The following TANC2 variants were observed in gnomAD, a reference collection of about 807,000 sequenced individuals.
TANC2 encodes tetratricopeptide repeat, ankyrin repeat and coiled-coil containing 2, also known as protein TANC2.
In TANC2, 26 loss-of-function variants were observed where a neutral mutation model predicts 210.5. The ratio of observed to expected loss-of-function variants is 0.12; its 90% CI spans 0.09 to 0.17. The LOEUF (loss-of-function observed/expected upper bound fraction) is 0.17. Among genes scored for constraint, TANC2 ranks in the 10% least tolerant of loss-of-function variants. The probability of loss-of-function intolerance (pLI) is 1.00; values close to 1 mark genes in which losing one functional copy is unlikely to be tolerated. For synonymous variants in TANC2, 931 were observed against 967.1 expected, an observed-to-expected ratio of 0.96 and a Z score of 0.69; for missense variants, 2,129 against 2,608.9, an observed-to-expected ratio of 0.82 and a Z score of 4.01.
At chr17:63,355,466 G>T in intron 14 of TANC2, 76 bp downstream of exon 14, 1 of 1,412,188 alleles carries the variant, frequency 7.1e-7, no homozygotes, top group Non-Finnish European at 9.3e-7. Flanking sequence ...ATTGAAAGTA[G>T]AAGTGTTCTT....
At chr17:63,197,755 G>A (rs966500066) in intron 6 of TANC2, 6 of 152,158 alleles carry the variant, frequency 3.9e-5, no homozygotes, top group African/African-American at 1.4e-4. Flanking sequence ...GGATCCTTCT[G>A]GAGAACATTA....
chr17:63,389,937 T>C (rs747491361), intron 17 of TANC2: 2 of 239,936 alleles, frequency 8.3e-6, no homozygotes, highest in Non-Finnish European at 1.6e-5. Flanking sequence ...CTTTCATGTG[T>C]AGAGAAGAAA....
rs988121201 is a variant in TANC2 at position 63,276,682 on chromosome 17, C to A, written c.1159+8809C>A. ...TTTTTTCAGAGTAAAATAAGCCTTC[C>A]CCCTTTTTTATCCCCACATTAATAG... On this transcript the variant is annotated intron_variant, in intron 9 of 27. Coordinates refer to ENST00000689528, the Ensembl canonical transcript of TANC2. Among the ~76,000 whole-genome samples the A allele has an allele frequency of 8.6e-5, 13 of 151,926 alleles. No individual in the cohort carries two copies. The East Asian group carries it at 2.5e-3, about 29-fold the overall frequency.
chr17:63,319,212 G>A, intron 11 of TANC2, 122 bp downstream of exon 11: 2 of 1,015,134 alleles, frequency 2.0e-6, no homozygotes, highest in East Asian at 2.6e-5. Flanking sequence ...AGAACGTGGA[G>A]GAAAGTTTCT....
exon 19 of TANC2, chr17:63,398,864 A>T: frequency 1.3e-6 from 2 of 1,598,262 alleles, no homozygotes; most frequent in Non-Finnish European, 1.7e-6. Context: ...GATGAAGAGG[A>T]AGTAGAGCGA....
intron 4 of TANC2, among the ~76,000 whole-genome samples, chr17:63,121,962 A>G (rs1382649253): frequency 1.7e-5 from 2 of 119,654 alleles, no homozygotes; most frequent in Non-Finnish European, 3.2e-5. Flanking sequence ...GTGAGACTTC[A>G]TCTCTTGCGG....
At chr17:63,053,034 G>A (rs1200768481) in intron 2 of TANC2, among the ~76,000 whole-genome samples, 1 of 152,164 alleles carries the variant, frequency 6.6e-6, no homozygotes, top group Non-Finnish European at 1.5e-5. Context: ...TTATGATGAA[G>A]ATAATTTATT....
rs150022400 is a variant in TANC2 at position 63,139,776 on chromosome 17, C to T, written c.323-11494C>T. Among the ~76,000 whole-genome samples the T allele has an allele frequency of 5.5e-4, 83 of 152,192 alleles. 1 individual carries two copies. Among genetic ancestry groups the T allele is most frequent in the African/African-American group, 1.9e-3 (80 of 41,512 alleles). On this transcript the variant is annotated intron_variant, in intron 4 of 27. Coordinates refer to ENST00000689528, the Ensembl canonical transcript of TANC2. ...TAAATTAGCTGGGTGTGGTGGCATG[C>T]GCCTGTAACGCCAGCTACTCAGGAG... is the stretch of plus-strand genomic sequence containing the variant.
At chr17:63,256,167 C>G (rs2043189465) in intron 8 of TANC2, among the ~76,000 whole-genome samples, 1 of 152,156 alleles carries the variant, frequency 6.6e-6, no homozygotes, top group Admixed American at 6.5e-5. Context: ...CTCGGCCTCC[C>G]AAAGTGCTAG....
At chr17:63,372,659 A>G (rs1442895746) in intron 14 of TANC2, among the ~76,000 whole-genome samples, 2 of 152,166 alleles carry the variant, frequency 1.3e-5, no homozygotes, top group Non-Finnish European at 2.9e-5. Context: ...ATCTTGTCCT[A>G]GGTTATAAAG....
intron 13 of TANC2, among the ~76,000 whole-genome samples, chr17:63,353,790 T>C (rs1401615712): frequency 6.6e-6 from 1 of 151,996 alleles, no homozygotes; most frequent in Non-Finnish European, 1.5e-5. Context: ...AAAAAGTGCA[T>C]TGAGGTGAGA....
chr17:63,307,552 G>A (rs929993867), intron 9 of TANC2, among the ~76,000 whole-genome samples: 1 of 152,108 alleles, frequency 6.6e-6, no homozygotes, highest in African/African-American at 2.4e-5. Context: ...AAATAAAGAG[G>A]ATTTCTGCTA....
intron 9 of TANC2, among the ~76,000 whole-genome samples, chr17:63,303,648 C>A (rs1021140538): frequency 1.3e-5 from 2 of 152,200 alleles, no homozygotes; most frequent in Non-Finnish European, 2.9e-5. Flanking sequence ...GCCTGTCTTG[C>A]TAGGTTGTGG....
chr17:63,305,475 T>C (rs1444049853), intron 9 of TANC2: 2 of 152,238 alleles, frequency 1.3e-5, no homozygotes, highest in Non-Finnish European at 2.9e-5. Flanking sequence ...TTCTTTTCAA[T>C]GGGAGCCTCT....
At chr17:63,176,823 A>C (rs1379912409) in intron 5 of TANC2, among the ~76,000 whole-genome samples, 5 of 151,486 alleles carry the variant, frequency 3.3e-5, no homozygotes, top group African/African-American at 1.2e-4. Flanking sequence ...AAAAAAAAAA[A>C]AACAGGAAAA....
intron 21 of TANC2, 99 bp downstream of exon 21, chr17:63,406,376 T>C: frequency 6.5e-7 from 1 of 1,528,904 alleles, no homozygotes; most frequent in Admixed American, 1.8e-5. Context: ...TAAGAACAGA[T>C]ATTAATCCAG....
At chr17:63,136,554 G>A (rs564000430) in intron 4 of TANC2, among the ~76,000 whole-genome samples, 1 of 152,070 alleles carries the variant, frequency 6.6e-6, no homozygotes, top group Non-Finnish European at 1.5e-5. Context: ...ACTATTATAG[G>A]CAGTACTAAG....
chr17:63,406,215 C>T (rs1187322521), exon 21 of TANC2: 1 of 1,613,996 alleles, frequency 6.2e-7, no homozygotes, highest in South Asian at 1.1e-5. Context: ...CAGGGCCGCA[C>T]TCCCCTGATG....
At chr17:63,206,456 A>G (rs546418831) in intron 7 of TANC2, among the ~76,000 whole-genome samples, 4 of 152,358 alleles carry the variant, frequency 2.6e-5, no homozygotes, top group Admixed American at 1.3e-4. Flanking sequence ...ATACAAATGA[A>G]TATGGACAGA....
Sources: gnomAD v4.1 joint callset for allele counts (sites outside exome capture counted in the v4.1 genomes callset) on GRCh38, gnomAD v4.1.1 for gene constraint, MANE v1.5 for transcripts, NCBI Gene and HGNC (gene_info 2026-07-23, HGNC 2026-07-21) for gene names.